Variants in LAMP1 observed in about 807,000 individuals in gnomAD.
LAMP1 encodes the protein lysosome associated membrane protein 1, also known as lysosome-associated membrane glycoprotein 1.
Under a neutral mutation model 37.5 loss-of-function variants are expected in LAMP1, and 7 were observed. That is an observed-to-expected ratio of 0.19 (90% CI 0.11 to 0.35). The LOEUF (loss-of-function observed/expected upper bound fraction) is 0.35, where lower values mean the gene tolerates loss of function less well. Among genes scored for constraint, LAMP1 ranks in the 10% least tolerant of loss-of-function variants. The pLI, the probability that LAMP1 is intolerant of heterozygous loss-of-function variation, is 1.00. For missense variants in LAMP1, 537 were observed against 552.8 expected, an observed-to-expected ratio of 0.97 and a Z score of 0.29; for synonymous variants, 236 against 229.1, an observed-to-expected ratio of 1.03 and a Z score of -0.27.
At chr13:113,318,877 A>G (rs1209631473) in intron 4 of LAMP1, among the ~76,000 whole-genome samples, 1 of 152,078 alleles carries the variant, frequency 6.6e-6, no homozygotes, top group Non-Finnish European at 1.5e-5. Context: ...GTCCTCATGG[A>G]GACTGCCTGA....
chr13:113,307,196 C>T (rs576214249), intron 2 of LAMP1, among the ~76,000 whole-genome samples: 1 of 137,342 alleles, frequency 7.3e-6, no homozygotes, highest in Admixed American at 8.0e-5. Context: ...CTTGGTTTGT[C>T]GCCCAGGCTG....
intron 2 of LAMP1, among the ~76,000 whole-genome samples, chr13:113,308,892 G>A (rs1028845528): frequency 2.6e-5 from 4 of 151,906 alleles, no homozygotes; most frequent in Non-Finnish European, 5.9e-5. Context: ...CCAGTTGCTC[G>A]TTTTGCTTAT....
chr13:113,322,075 G>T (rs1424545062), intron 8 of LAMP1: 4 of 602,872 alleles, frequency 6.6e-6, no homozygotes, highest in African/African-American at 5.5e-5. Context: ...ATTCCAGACG[G>T]GGGAGAGACG....
chr13:113,319,318 A>C, intron 4 of LAMP1, 151 bp from the exon 5 acceptor site: 1 of 705,830 alleles, frequency 1.4e-6, no homozygotes, highest in South Asian at 2.0e-5. Context: ...CTAGAAAGGC[A>C]TTAGCGAGAG....
chr13:113,306,443 T>TGG (rs753889208), intron 1 of LAMP1, 42 bp from the exon 2 acceptor site: 1 of 1,599,716 alleles, frequency 6.3e-7, no homozygotes, highest in Non-Finnish European at 8.5e-7. Context: ...TCGTATTTTC[T>TGG]GGACAGTTTT....
intron 4 of LAMP1, among the ~76,000 whole-genome samples, chr13:113,314,356 C>T (rs867724226): frequency 3.0e-4 from 38 of 126,100 alleles, no homozygotes; most frequent in South Asian, 2.5e-4. Flanking sequence ...GTGCCTGGGG[C>T]GGGGCCTCCT....
intron 4 of LAMP1, among the ~76,000 whole-genome samples, chr13:113,313,094 G>T (rs1298221750): frequency 6.6e-6 from 1 of 152,154 alleles, no homozygotes; most frequent in Non-Finnish European, 1.5e-5. Context: ...GGACACGGTT[G>T]CAGAACGTGT....
In LAMP1 at chr13:113,297,530, G is replaced by A. The variant is rs780452189; in HGVS notation, c.61+35G>A. 1.6e-6 allele frequency: 2 copies of A among 1,230,056 alleles called. No homozygotes were observed. The highest frequency in any genetic ancestry group is 7.3e-5 in the South Asian group (2 of 27,502). 76.2% of individuals were successfully genotyped at this position (1,230,056 alleles called of 1,614,324 possible). A position where few individuals can be genotyped will look rare whatever the true frequency, so the allele number is the denominator to read the frequency against. ...TCGAGGCGGGGCCTGGGAGCGGCGG[G>A]ACCGGGCGGAGCCGAGGTCCCTGGG... On this transcript the variant is annotated intron_variant, in intron 1 of 8. Transcript: ENST00000332556. The surrounding 1 kb of genome is among the most constrained non-coding windows in gnomAD (Gnocchi z 4.4).
Position 113,321,288 on chromosome 13 carries a change from C to G in LAMP1, c.877-116C>G. 5.9e-6 allele frequency: 5 copies of G among 851,310 alleles called. No individual in the cohort carries two copies. Among genetic ancestry groups the G allele is most frequent in the Non-Finnish European group, 1.0e-5 (5 of 497,170 alleles). The allele number at this position is 851,310 out of a possible 1,614,324, so 52.7% of individuals were successfully genotyped here. Reference sequence around the variant, plus strand: ...TTCTAATACTAGAAATGTAGGAAGTCAGGTTTATTACCCAATGACCATTCA... The same window carrying G: ...TTCTAATACTAGAAATGTAGGAAGTGAGGTTTATTACCCAATGACCATTCA... On this transcript the variant is annotated intron_variant, in intron 6 of 8. Coordinates refer to ENST00000332556, the MANE Select transcript of LAMP1 (RefSeq NM_005561.4). This position sits in a 1 kb window ranked among gnomAD's most constrained non-coding sequence, Gnocchi z 5.6.
intron 2 of LAMP1, among the ~76,000 whole-genome samples, chr13:113,307,957 C>CAAA (rs56212251): frequency 1.0e-4 from 6 of 59,906 alleles, no homozygotes; most frequent in South Asian, 7.9e-4. Flanking sequence ...AGACCATCTC[C>CAAA]AAAAAAAAAA....
rs1186662794 is a variant in LAMP1 at position 113,310,810 on chromosome 13, A to G, written c.505A>G (p.Thr169Ala). The G allele has an allele frequency of 1.9e-6, 3 of 1,614,008 alleles. No individual in the cohort carries two copies. In the South Asian group the frequency reaches 3.3e-5, roughly 18 times the overall value. ...TQVHMNNVTV[T>A]LHDATIQAYL... ...GGTCCACATGAACAACGTGACCGTA[A>G]CGCTCCATGATGCCACCATCCAGGC... is the stretch of plus-strand genomic sequence containing the variant. Residue 169 changes from threonine (T) to alanine (A), a missense_variant, in exon 4 of 9, where the codon ACG (threonine) becomes GCG (alanine). By Grantham distance (58) the Thr-to-Ala change is moderately conservative. Transcript: ENST00000332556.
chr13:113,321,663 T>C lies in LAMP1; in HGVS notation c.1050T>C (p.Phe350=). The C allele has an allele frequency of 6.2e-7, 1 of 1,614,156 alleles. No individual in the cohort carries two copies. Among genetic ancestry groups the C allele is most frequent in the Non-Finnish European group, 8.5e-7 (1 of 1,180,026 alleles). ...AGCACGTCCGTGTCACGAAGGCGTT[T>C]TCAGTCAATATATTCAAAGTGTGGG... ...AEEHVRVTKA[F]SVNIFKVWVQ... is the part of the protein sequence containing the mutation. The change falls in exon 8 of 9, where the codon TTT becomes TTC. Residue 350 remains phenylalanine, a synonymous_variant. Transcript: ENST00000332556. This position sits in a 1 kb window ranked among gnomAD's most constrained non-coding sequence, Gnocchi z 5.6.
At chr13:113,317,291 T>A (rs1269751176) in intron 4 of LAMP1, among the ~76,000 whole-genome samples, 2 of 152,128 alleles carry the variant, frequency 1.3e-5, no homozygotes, top group African/African-American at 4.8e-5. Flanking sequence ...CGTGATGAGC[T>A]CTCCGTCACT....
Position 113,297,278 on chromosome 13 carries a change from C to T in LAMP1, c.-157C>T, listed in dbSNP as rs555433438. 4 of 172,530 alleles carry T rather than the reference C, an allele frequency of 2.3e-5. No individual in the cohort carries two copies. The highest frequency in any genetic ancestry group is 3.7e-5 in the Non-Finnish European group (3 of 82,038). The allele number at this position is 172,530 out of a possible 1,614,324, so 10.7% of individuals were successfully genotyped here. ...GCCGGCCGCGGTGTCTTCTTCGTGC[C>T]GGCGTCGCAGTGGCCGGGCCTCTTG... On this transcript the variant is annotated 5_prime_UTR_variant, in exon 1 of 9. Coordinates refer to ENST00000332556, the MANE Select transcript of LAMP1 (RefSeq NM_005561.4). The surrounding 1 kb of genome is among the most constrained non-coding windows in gnomAD (Gnocchi z 4.4).
chr13:113,314,174 T>C (rs1595461430), intron 4 of LAMP1, among the ~76,000 whole-genome samples: 1 of 110,254 alleles, frequency 9.1e-6, no homozygotes, highest in Admixed American at 8.4e-5. Context: ...CGTGGCCTAC[T>C]AGAGGGAGTC....
At chr13:113,317,057 C>T (rs1405474897) in intron 4 of LAMP1, among the ~76,000 whole-genome samples, 2 of 152,172 alleles carry the variant, frequency 1.3e-5, no homozygotes, top group African/African-American at 4.8e-5. Context: ...TCCTCACAGA[C>T]ACCCTTGAGG....
chr13:113,317,673 T>C (rs1367002850), intron 4 of LAMP1, among the ~76,000 whole-genome samples: 1 of 152,050 alleles, frequency 6.6e-6, no homozygotes, highest in African/African-American at 2.4e-5. Context: ...TCTGTAACAT[T>C]TTATAAAGGA....
Position 113,322,288 on chromosome 13 carries a change from A to C in LAMP1, c.1121A>C (p.Glu374Ala), listed in dbSNP as rs1339659749. The C allele has an allele frequency of 6.2e-7, 1 of 1,611,856 alleles. No homozygotes were observed. The highest frequency in any genetic ancestry group is 1.3e-5 in the African/African-American group (1 of 74,934). Residue 374 changes from glutamate (E) to alanine (A), a missense_variant, in exon 9 of 9, where the codon GAG (glutamate) becomes GCG (alanine). By Grantham distance (107) the Glu-to-Ala change is moderately radical. Coordinates refer to ENST00000332556, the MANE Select transcript of LAMP1 (RefSeq NM_005561.4). ...CATCCGTCTGTCTTGGCAGTGGAGGAGTGTCTGCTGGACGAGAACAGCATG... is the reference window on the plus strand; with the variant it reads ...CATCCGTCTGTCTTGGCAGTGGAGGCGTGTCTGCTGGACGAGAACAGCATG... ...VEGGQFGSVEECLLDENSMLI... is the reference protein window; with the variant it reads ...VEGGQFGSVEACLLDENSMLI...
intron 3 of LAMP1, among the ~76,000 whole-genome samples, chr13:113,310,329 C>T (rs893362175): frequency 6.6e-6 from 1 of 152,028 alleles, no homozygotes; most frequent in African/African-American, 2.4e-5. Context: ...AGTTCGAGAC[C>T]AGCCTGATCA....
Sources: gnomAD v4.1 joint callset for allele counts (sites outside exome capture counted in the v4.1 genomes callset) on GRCh38, gnomAD v4.1.1 for gene constraint, Gnocchi (gnomAD v3.1) non-coding constraint, MANE v1.5 for transcripts, NCBI Gene and HGNC (gene_info 2026-07-23, HGNC 2026-07-21) for gene names.